PTPRZ1: variants seen among roughly 807,000 people sequenced by gnomAD.
PTPRZ1 encodes the protein receptor-type tyrosine-protein phosphatase zeta.
In PTPRZ1, 82 loss-of-function variants were observed where a neutral mutation model predicts 214.1. The ratio of observed to expected loss-of-function variants is 0.38; its 90% CI spans 0.32 to 0.46. The LOEUF (loss-of-function observed/expected upper bound fraction) is 0.46. Among genes scored for constraint, PTPRZ1 ranks in the 20% least tolerant of loss-of-function variants. The pLI, the probability that PTPRZ1 is intolerant of heterozygous loss-of-function variation, is 1.00. For synonymous variants in PTPRZ1, 945 were observed against 987.9 expected (o/e 0.96, Z 0.81); for missense variants, 2,603 against 2,748.7 (o/e 0.95, Z 1.19).
At chr7:122,044,368 G>A (rs1799817850) in intron 22 of PTPRZ1, 54 bp from the exon 23 acceptor site, 9 of 1,600,230 alleles carry the variant, frequency 5.6e-6, no homozygotes, top group South Asian at 1.1e-5. Context: ...TTTGTAGGTA[G>A]ATACATATGA....
Position 122,031,574 on chromosome 7 carries a change from T to C in PTPRZ1, c.5166+15T>C. On this transcript the variant is annotated intron_variant, in intron 15 of 29. Coordinates refer to ENST00000393386, the MANE Select transcript of PTPRZ1 (RefSeq NM_002851.3). ...AAGAATTTGAGGTATGATTTTAATA[T>C]GTCTATTTTAAATAATATAGAAAAT... 1 of 1,536,742 alleles carries C rather than the reference T, an allele frequency of 6.5e-7. No homozygotes were observed. Among genetic ancestry groups the C allele is most frequent in the Non-Finnish European group, 9.0e-7 (1 of 1,116,608 alleles).
Position 121,900,551 on chromosome 7 carries a change from A to G in PTPRZ1, c.58+26994A>G, listed in dbSNP as rs77957707. On this transcript the variant is annotated intron_variant, in intron 1 of 29. Coordinates refer to ENST00000393386, the MANE Select transcript of PTPRZ1 (RefSeq NM_002851.3). ...TGTAAATGATGTACAATTGGCAAAG[A>G]GATCTTGAGAGTCTCTGTATCTGTT... Among the ~76,000 whole-genome samples the G allele has an allele frequency of 3.5e-4, 54 of 152,318 alleles. No homozygotes were observed. The East Asian group carries it at 0.01, about 29-fold the overall frequency.
At position 122,039,588 on chromosome 7, in the gene PTPRZ1, G is replaced by A. The variant is rs777000271; in HGVS notation, c.5637G>A (p.Lys1879=). The A allele has an allele frequency of 8.7e-6, 14 of 1,612,798 alleles. No individual in the cohort carries two copies. Among genetic ancestry groups the A allele is most frequent in the South Asian group, 2.2e-5 (2 of 90,910 alleles). Reference sequence around the variant, plus strand: ...CTCTAAGAAACACAAAAATAAAAAAGGTGAGTCAACAAAATGATGGGCATA... The same window carrying A: ...CTCTAAGAAACACAAAAATAAAAAAAGTGAGTCAACAAAATGATGGGCATA... ...NFTLRNTKIK[K]GSQKGRPSGR... Residue 1879 remains lysine, a splice_region_variant and synonymous_variant, in exon 20 of 30, where the codon AAG becomes AAA. Coordinates refer to ENST00000393386, the MANE Select transcript of PTPRZ1 (RefSeq NM_002851.3).
At chr7:122,027,036 CAT>C (rs1799224202) in intron 13 of PTPRZ1, among the ~76,000 whole-genome samples, 1 of 152,100 alleles carries the variant, frequency 6.6e-6, no homozygotes, top group African/African-American at 2.4e-5. Flanking sequence ...CAAATAAAAA[CAT>C]AATAGTATTT....
chr7:122,017,057 G>T (rs1182486604), intron 12 of PTPRZ1, among the ~76,000 whole-genome samples: 2 of 152,042 alleles, frequency 1.3e-5, no homozygotes, highest in South Asian at 2.1e-4. Context: ...AAGAAAATCT[G>T]ATATAGATAA....
intron 2 of PTPRZ1, among the ~76,000 whole-genome samples, chr7:121,954,790 C>T (rs1188588953): frequency 6.6e-6 from 1 of 152,098 alleles, no homozygotes; most frequent in Non-Finnish European, 1.5e-5. Context: ...CAATCAGCAG[C>T]GTTAAGTTTT....
intron 10 of PTPRZ1, among the ~76,000 whole-genome samples, chr7:122,001,293 GAATA>G (rs1290394675): frequency 2.0e-5 from 3 of 152,044 alleles, no homozygotes; most frequent in African/African-American, 7.2e-5. Context: ...TTACATTTAT[GAATA>G]AATAATTTCA....
Position 121,987,859 on chromosome 7 carries a change from T to A in PTPRZ1, c.928+3742T>A, listed in dbSNP as rs547224076. On this transcript the variant is annotated intron_variant, in intron 8 of 29. Coordinates refer to ENST00000393386, the MANE Select transcript of PTPRZ1 (RefSeq NM_002851.3). ...CACAGTCATAAAAAATGAAATCATG[T>A]TTTTTTGCAGCAAGATGGATGGAGC... is the stretch of plus-strand genomic sequence containing the variant. Among the ~76,000 whole-genome samples, 13 of 152,254 alleles carry A rather than the reference T, an allele frequency of 8.5e-5. No homozygotes were observed. The South Asian group carries it at 2.3e-3, about 27-fold the overall frequency.
At chr7:121,962,636 C>T (rs1047992432) in intron 2 of PTPRZ1, among the ~76,000 whole-genome samples, 2 of 150,766 alleles carry the variant, frequency 1.3e-5, no homozygotes, top group Admixed American at 1.3e-4. Flanking sequence ...GCAATCTTGG[C>T]TCACTGCAAC....
rs549616584 is a variant in PTPRZ1, at chr7:121,930,923, C to T, written c.124+2702C>T. 6.6e-5 allele frequency among the ~76,000 whole-genome samples: 10 copies of T among 152,164 alleles called. No individual in the cohort carries two copies. In the South Asian group the frequency reaches 1.7e-3, roughly 25 times the overall value. On this transcript the variant is annotated intron_variant, in intron 2 of 29. Coordinates refer to ENST00000393386, the MANE Select transcript of PTPRZ1 (RefSeq NM_002851.3). ...AAGAATGCTTAGAGTGCATCCCTAA[C>T]CATGGAAGATGACATTACAAGGTGA...
rs73717781 is a variant in PTPRZ1 at position 122,060,419 on chromosome 7, A to G, written c.6807+531A>G. ...CATGTAGGCCTCATGGTTTTCGGCT[A>G]TGATGCTGCTCACTGGTTCAGGTTC... On this transcript the variant is annotated intron_variant, in intron 29 of 29. Transcript: ENST00000393386. Among the ~76,000 whole-genome samples, 1,427 of 152,336 alleles carry G rather than the reference A, an allele frequency of 9.4e-3. 21 individuals are homozygous for G. Among genetic ancestry groups the G allele is most frequent in the African/African-American group, 0.033 (1,358 of 41,578 alleles).
In PTPRZ1 at chr7:122,006,608, G is replaced by A. The variant is rs1020724116; in HGVS notation, c.1287+1948G>A. On this transcript the variant is annotated intron_variant, in intron 11 of 29. Transcript: ENST00000393386. ...AGCTATTCCTGTCATGGTGCCTCTG[G>A]TCTTGCCATGTACATATATGACAAA... Among the ~76,000 whole-genome samples the A allele has an allele frequency of 2.0e-5, 3 of 151,926 alleles. No individual in the cohort carries two copies. The East Asian group carries it at 5.8e-4, about 29-fold the overall frequency.
At chr7:122,035,103 A>T (rs996470556) in intron 17 of PTPRZ1, among the ~76,000 whole-genome samples, 3 of 152,154 alleles carry the variant, frequency 2.0e-5, no homozygotes, top group Non-Finnish European at 2.9e-5. Flanking sequence ...ACAAATAAAC[A>T]TTCTACTTAT....
intron 11 of PTPRZ1, among the ~76,000 whole-genome samples, chr7:122,006,205 T>C (rs1455763691): frequency 1.3e-5 from 2 of 152,142 alleles, no homozygotes; most frequent in South Asian, 4.1e-4. Context: ...CAGAGTAGTT[T>C]GCATATCCAT....
At chr7:122,050,416 C>T (rs1423925126) in intron 23 of PTPRZ1, among the ~76,000 whole-genome samples, 1 of 8,844 alleles carries the variant, frequency 1.1e-4, no homozygotes, top group African/African-American at 5.2e-4. Context: ...GAGTGGACAC[C>T]TGTCTCAAAA....
rs912995285 is a variant in PTPRZ1 at position 122,012,459 on chromosome 7, C to T, written c.3413C>T (p.Thr1138Ile). Residue 1138 changes from threonine to isoleucine, a missense_variant, in exon 12 of 30, where the codon ACT (threonine) becomes ATT (isoleucine). By Grantham distance (89) the Thr-to-Ile change is moderately conservative. Around this residue, in one of 6 missense-constraint regions of PTPRZ1, gnomAD observed 1,913 missense variants for 1,914.3 expected, o/e 1.00. Transcript: ENST00000393386. Reference sequence around the variant, plus strand: ...ACTGTCTCTCAAGCATCTGGTGACACTTCGCTTAAACCTGTGCTTAGTGCA... The same window carrying T: ...ACTGTCTCTCAAGCATCTGGTGACATTTCGCTTAAACCTGTGCTTAGTGCA... ...THTVSQASGD[T>I]SLKPVLSANS... 9.3e-6 allele frequency: 15 copies of T among 1,613,602 alleles called. No homozygotes were observed. Among genetic ancestry groups the T allele is most frequent in the African/African-American group, 1.3e-5 (1 of 74,928 alleles).
Position 122,058,944 on chromosome 7 carries a change from T to C in PTPRZ1, c.6671+2T>C. 6.3e-7 allele frequency: 1 copy of C among 1,580,280 alleles called. No homozygotes were observed. The highest frequency in any genetic ancestry group is 1.4e-5 in the African/African-American group (1 of 74,062). On this transcript the variant is annotated splice_donor_variant, in intron 28 of 29. Coordinates refer to ENST00000393386, the MANE Select transcript of PTPRZ1 (RefSeq NM_002851.3). LOFTEE classifies it high-confidence loss of function. Reference sequence around the variant, plus strand: ...TGGGCCTATGATTGTTCATGATGAGTAAGTTCCATGTGTTAGATGGTTTCA... The same window carrying C: ...TGGGCCTATGATTGTTCATGATGAGCAAGTTCCATGTGTTAGATGGTTTCA...
At chr7:121,909,580 C>T (rs971925966) in intron 1 of PTPRZ1, among the ~76,000 whole-genome samples, 2 of 151,912 alleles carry the variant, frequency 1.3e-5, no homozygotes, top group Non-Finnish European at 2.9e-5. Flanking sequence ...AAGAAAAAGT[C>T]GAGTAGAAAG....
At chr7:121,980,250 A>C (rs945515791) in intron 6 of PTPRZ1, among the ~76,000 whole-genome samples, 2 of 152,156 alleles carry the variant, frequency 1.3e-5, no homozygotes, top group Admixed American at 6.5e-5. Flanking sequence ...CTCAACACAC[A>C]CATTTTTCAT....
Sources: gnomAD v4.1 joint callset for allele counts (sites outside exome capture counted in the v4.1 genomes callset) on GRCh38, gnomAD v4.1.1 for gene constraint, gnomAD v4.1.1 regional missense constraint, MANE v1.5 for transcripts, NCBI Gene and HGNC (gene_info 2026-07-23, HGNC 2026-07-21) for gene names.